KCNMA1: variants seen among roughly 807,000 people sequenced by gnomAD.
KCNMA1 encodes the protein Calcium-activated potassium channel subunit alpha-1.
KCNMA1 carries 29 observed loss-of-function variants against 140.0 expected under a neutral mutation model. The observed-to-expected ratio is 0.21, with a 90% CI of 0.15 to 0.28. The LOEUF (loss-of-function observed/expected upper bound fraction) is 0.28, where lower values mean the gene tolerates loss of function less well. KCNMA1 is among the 10% of genes least tolerant of loss of function. KCNMA1 has a pLI of 1.00. For missense variants in KCNMA1, 880 were observed against 1,602.2 expected, an observed-to-expected ratio of 0.55 and a Z score of 7.70; for synonymous variants, 612 against 611.9, an observed-to-expected ratio of 1.00 and a Z score of 0.00.
chr10:77,634,560 T>A (rs1371671578), intron 1 of KCNMA1: 1 of 465,736 alleles, frequency 2.1e-6, no homozygotes, highest in Non-Finnish European at 2.5e-6. Flanking sequence ...CAGACCTGCT[T>A]TCCTCTGGAC....
Position 76,905,174 on chromosome 10 carries a change from T to G in KCNMA1, c.3147+4792A>C, listed in dbSNP as rs568005633. ...GGTAGATGTAGACTGCAATGTGACA[T>G]TTCGAGACTTCTATTACAGATCTTT... On this transcript the variant is annotated intron_variant, in intron 25 of 27. Coordinates refer to ENST00000286628, the MANE Select transcript of KCNMA1 (RefSeq NM_001161352.2). 7.5e-4 allele frequency: 114 copies of G among 152,326 alleles called. 1 individual carries two copies. Among genetic ancestry groups the G allele is most frequent in the African/African-American group, 2.6e-3 (108 of 41,568 alleles). 9.4% of individuals were successfully genotyped at this position (152,326 alleles called of 1,614,324 possible).
At chr10:77,254,865 C>G (rs2060405062) in intron 2 of KCNMA1, among the ~76,000 whole-genome samples, 1 of 152,128 alleles carries the variant, frequency 6.6e-6, no homozygotes, top group African/African-American at 2.4e-5. Context: ...GCACAGTACC[C>G]CAGAAAGCAA....
chr10:77,309,187 T>A, intron 2 of KCNMA1, among the ~76,000 whole-genome samples: 1 of 152,180 alleles, frequency 6.6e-6, no homozygotes, highest in East Asian at 1.9e-4. Flanking sequence ...TTAAGAAGAA[T>A]TTTTCCATGA....
rs59543314 is a variant in KCNMA1 at position 77,396,311 on chromosome 10, G to C, written c.540+7551C>G. On this transcript the variant is annotated intron_variant, in intron 2 of 27. Transcript: ENST00000286628. ...ATAATAAAAGCTGGGGCATAGATGAGGGGGGTGAGAGACAGAGACAGAGAC... is the reference window on the plus strand; with the variant it reads ...ATAATAAAAGCTGGGGCATAGATGACGGGGGTGAGAGACAGAGACAGAGAC... Among the ~76,000 whole-genome samples, 53 of 152,280 alleles carry C rather than the reference G, an allele frequency of 3.5e-4. No individual in the cohort carries two copies. In the East Asian group the frequency reaches 9.7e-3, roughly 28 times the overall value.
At chr10:77,195,766 T>C (rs899728655) in intron 3 of KCNMA1, among the ~76,000 whole-genome samples, 1 of 151,962 alleles carries the variant, frequency 6.6e-6, no homozygotes, top group Admixed American at 6.6e-5. Flanking sequence ...CTGGCCAACA[T>C]GGTGAAACCC....
intron 3 of KCNMA1, among the ~76,000 whole-genome samples, chr10:77,192,786 T>C (rs1441143192): frequency 6.6e-6 from 1 of 152,190 alleles, no homozygotes; most frequent in African/African-American, 2.4e-5. Context: ...TTTTCATTTG[T>C]ATCTGCTTTA....
At chr10:76,872,693 C>G (rs2031586400), downstream of KCNMA1, 1 of 152,182 alleles carries the variant, frequency 6.6e-6, no homozygotes, top group Non-Finnish European at 1.5e-5. Flanking sequence ...TATTCCACAT[C>G]TTTCCAGTCC....
chr10:77,017,461 G>A (rs1459984271), intron 17 of KCNMA1, among the ~76,000 whole-genome samples: 3 of 152,116 alleles, frequency 2.0e-5, no homozygotes, highest in African/African-American at 2.4e-5. Context: ...TTGAACAACC[G>A]GGAGATTCTG....
At chr10:77,327,831 G>A (rs2084782676) in intron 2 of KCNMA1, among the ~76,000 whole-genome samples, 2 of 152,092 alleles carry the variant, frequency 1.3e-5, no homozygotes, top group African/African-American at 4.8e-5. Flanking sequence ...TCTATGTATA[G>A]TCTGTGCGAT....
At chr10:77,051,872 G>T (rs994446141) in intron 14 of KCNMA1, among the ~76,000 whole-genome samples, 4 of 152,134 alleles carry the variant, frequency 2.6e-5, no homozygotes, top group Non-Finnish European at 5.9e-5. Flanking sequence ...TGCTTAGCAG[G>T]GTGCCTGGCA....
At chr10:77,526,901 A>G (rs551137426) in intron 1 of KCNMA1, among the ~76,000 whole-genome samples, 28 of 152,188 alleles carry the variant, frequency 1.8e-4, no homozygotes, top group African/African-American at 6.7e-4. Context: ...TCACCAAGGT[A>G]ACAAAAGAAA....
intron 1 of KCNMA1, among the ~76,000 whole-genome samples, chr10:77,508,581 C>CT (rs761735012): frequency 0.069 from 6,853 of 99,858 alleles, 599 homozygotes; most frequent in African/African-American, 0.21. Flanking sequence ...TTTTTCTTTT[C>CT]TTTTTTTTTT....
chr10:77,058,681 T>A (rs568200099), intron 14 of KCNMA1, among the ~76,000 whole-genome samples: 1 of 152,068 alleles, frequency 6.6e-6, no homozygotes, highest in Non-Finnish European at 1.5e-5. Context: ...AGAAGTTTCA[T>A]GTGAAATTAG....
intron 10 of KCNMA1, among the ~76,000 whole-genome samples, chr10:77,088,817 T>C (rs1242040927): frequency 6.6e-6 from 1 of 152,208 alleles, no homozygotes; most frequent in East Asian, 1.9e-4. Flanking sequence ...TGACAAGTCA[T>C]ACCTCATTCA....
In KCNMA1 at chr10:77,401,347, G is replaced by A. The variant is rs539039792; in HGVS notation, c.540+2515C>T. Among the ~76,000 whole-genome samples, 4 of 152,134 alleles carry A rather than the reference G, an allele frequency of 2.6e-5. No homozygotes were observed. The East Asian group carries it at 7.8e-4, about 30-fold the overall frequency. Reference sequence around the variant, plus strand: ...ATTTTTTGTATTTTTAGTAGAGATGGGGTTTCACTGTGTTAGCCAGGATGG... The same window carrying A: ...ATTTTTTGTATTTTTAGTAGAGATGAGGTTTCACTGTGTTAGCCAGGATGG... On this transcript the variant is annotated intron_variant, in intron 2 of 27. Coordinates refer to ENST00000286628, the MANE Select transcript of KCNMA1 (RefSeq NM_001161352.2).
chr10:76,906,452 C>A (rs1178296109), intron 25 of KCNMA1, among the ~76,000 whole-genome samples: 1 of 152,212 alleles, frequency 6.6e-6, no homozygotes, highest in African/African-American at 2.4e-5. Flanking sequence ...ACATCCTGAT[C>A]TGTTCCAGGA....
intron 19 of KCNMA1, among the ~76,000 whole-genome samples, chr10:76,998,425 G>A (rs1222146796): frequency 2.6e-5 from 4 of 152,204 alleles, no homozygotes; most frequent in African/African-American, 9.6e-5. Flanking sequence ...GGGAAACTGC[G>A]ACCAAAGCAA....
chr10:77,403,834 C>T lies in KCNMA1; in HGVS notation c.540+28G>A, dbSNP rs780233213. 32 of 1,603,064 alleles carry T rather than the reference C, an allele frequency of 2.0e-5. No homozygotes were observed. The African/African-American group carries it at 4.0e-4, about 20-fold the overall frequency. ...ACCTTGGCCCAGACAGCAAGGCCTC[C>T]TGGTGTGAGAAGTGGGTGGAGACTC... On this transcript the variant is annotated intron_variant, in intron 2 of 27. Coordinates refer to ENST00000286628, the MANE Select transcript of KCNMA1 (RefSeq NM_001161352.2).
chr10:77,444,264 C>T (rs2097477225), intron 1 of KCNMA1, among the ~76,000 whole-genome samples: 1 of 152,136 alleles, frequency 6.6e-6, no homozygotes, highest in African/African-American at 2.4e-5. Flanking sequence ...TGCCAGCATA[C>T]AAAATTACTG....
Sources: allele counts gnomAD v4.1 joint callset (sites outside exome capture counted in the v4.1 genomes callset), GRCh38; gene constraint gnomAD v4.1.1; transcripts MANE v1.5; gene names NCBI Gene and HGNC (gene_info 2026-07-23, HGNC 2026-07-21).